SCFD2: variants seen among roughly 807,000 people sequenced by gnomAD.
SCFD2 encodes the protein sec1 family domain containing 2, also known as sec1 family domain-containing protein 2.
SCFD2 carries 54 observed loss-of-function variants against 58.9 expected under a neutral mutation model. The ratio of observed to expected loss-of-function variants is 0.92; its 90% confidence interval spans 0.74 to 1.15. The LOEUF is 1.15. Among genes scored for constraint, SCFD2 ranks in the 50% most tolerant of loss-of-function variants. The pLI is 0.00. For synonymous variants in SCFD2, 321 were observed against 335.9 expected (o/e 0.96, Z 0.49); for missense variants, 805 against 836.6 (o/e 0.96, Z 0.47).
chr4:53,215,057 C>T (rs1386089607), intron 4 of SCFD2, among the ~76,000 whole-genome samples: 1 of 152,164 alleles, frequency 6.6e-6, no homozygotes, highest in African/African-American at 2.4e-5. Flanking sequence ...TTACTGTAGC[C>T]TTGTAGTATA....
intron 5 of SCFD2, among the ~76,000 whole-genome samples, chr4:53,067,376 G>T (rs1173311173): frequency 3.3e-5 from 5 of 152,010 alleles, no homozygotes; most frequent in Non-Finnish European, 5.9e-5. Context: ...CTGGGGTCAA[G>T]ATCACACCAA....
At position 53,268,642 on chromosome 4, in the gene SCFD2, G is replaced by T. The variant is rs1276264547; in HGVS notation, c.1311+5184C>A. Among the ~76,000 whole-genome samples the T allele has an allele frequency of 1.5e-4, 23 of 152,220 alleles. No homozygotes were observed. The East Asian group carries it at 4.5e-3, about 29-fold the overall frequency. The stretch of plus-strand genomic sequence containing the variant: ...CCACAGTGTGGGCTTGGTGTGGGGT[G>T]CTGGAGCCCGAGAGGCATGAGGAGG... On this transcript the variant is annotated intron_variant, in intron 4 of 8. Coordinates refer to ENST00000401642, the MANE Select transcript of SCFD2 (RefSeq NM_152540.4).
In SCFD2 at chr4:53,165,929, C is replaced by T. The variant is rs992218594; in HGVS notation, c.1312-20347G>A. On this transcript the variant is annotated intron_variant, in intron 4 of 8. Coordinates refer to ENST00000401642, the MANE Select transcript of SCFD2 (RefSeq NM_152540.4). ...TTTTAAATTGTTGCAGTAAAATATA[C>T]ATAACATAGAATTTGCTATCTTTAT... 2.6e-5 allele frequency among the ~76,000 whole-genome samples: 4 copies of T among 152,178 alleles called. No homozygotes were observed. In the South Asian group the frequency reaches 8.3e-4, roughly 32 times the overall value.
chr4:52,937,612 T>C (rs573437701), intron 5 of SCFD2, among the ~76,000 whole-genome samples: 1 of 152,254 alleles, frequency 6.6e-6, no homozygotes, highest in African/African-American at 2.4e-5. Context: ...TGAAACACAA[T>C]AATCATCCAA....
rs1577948756 is a variant in SCFD2 at position 53,301,550 on chromosome 4, G to T, written c.1135+12086C>A. 4.6e-5 allele frequency among the ~76,000 whole-genome samples: 7 copies of T among 152,238 alleles called. No individual in the cohort carries two copies. In the South Asian group the frequency reaches 1.5e-3, roughly 32 times the overall value. On this transcript the variant is annotated intron_variant, in intron 3 of 8. Coordinates refer to ENST00000401642, the MANE Select transcript of SCFD2 (RefSeq NM_152540.4). The stretch of plus-strand genomic sequence containing the variant: ...AGGAGGAACTGGTACCATTCCTTCT[G>T]AAACTATTCCAATCAATAGAAAAAG...
intron 5 of SCFD2, among the ~76,000 whole-genome samples, chr4:53,097,782 C>T (rs1413680154): frequency 6.6e-6 from 1 of 152,162 alleles, no homozygotes; most frequent in African/African-American, 2.4e-5. Context: ...GAGGGCATCC[C>T]TGTCTTGTGC....
intron 5 of SCFD2, among the ~76,000 whole-genome samples, chr4:52,959,252 T>C (rs945132702): frequency 6.6e-6 from 1 of 152,154 alleles, no homozygotes; most frequent in South Asian, 2.1e-4. Context: ...ACTGCAAGTA[T>C]TGGCTGCAGT....
At chr4:53,115,422 C>T (rs1392620917) in intron 5 of SCFD2, among the ~76,000 whole-genome samples, 1 of 152,090 alleles carries the variant, frequency 6.6e-6, no homozygotes, top group Admixed American at 6.6e-5. Context: ...TAGAAGCTTC[C>T]ACACACATGG....
chr4:53,094,029 C>A (rs11934112), intron 5 of SCFD2, among the ~76,000 whole-genome samples: 2 of 151,808 alleles, frequency 1.3e-5, no homozygotes, highest in Admixed American at 6.6e-5. Flanking sequence ...GAAAGAAACA[C>A]GAGACTTAAA....
intron 5 of SCFD2, among the ~76,000 whole-genome samples, chr4:53,088,554 T>C (rs2148864416): frequency 6.6e-6 from 1 of 152,340 alleles, no homozygotes; most frequent in South Asian, 2.1e-4. Context: ...TTCTTTGCTA[T>C]TTCTCCCTTT....
intron 5 of SCFD2, among the ~76,000 whole-genome samples, chr4:53,007,305 G>GGAGAGGGAGAGAGA (rs1553913999): frequency 4.5e-5 from 3 of 66,072 alleles, no homozygotes; most frequent in East Asian, 4.0e-4. Context: ...AGAGGGAGAG[G>GGAGAGGGAGAGAGA]GAGAGAGAGA....
chr4:53,190,499 T>TA (rs11448011), intron 4 of SCFD2, among the ~76,000 whole-genome samples: 13,686 of 152,222 alleles, frequency 0.09, 1,039 homozygotes, highest in South Asian at 0.21. Context: ...GTCACCTTCT[T>TA]AGTGAGGCCT....
intron 5 of SCFD2, among the ~76,000 whole-genome samples, chr4:53,067,513 A>G (rs569244878): frequency 2.0e-5 from 3 of 152,126 alleles, no homozygotes; most frequent in African/African-American, 7.2e-5. Flanking sequence ...CAAGGGTGGG[A>G]CTAGGTGGAG....
At chr4:53,273,716 A>G (rs1731244451) in intron 4 of SCFD2, 110 bp downstream of exon 4, 4 of 949,818 alleles carry the variant, frequency 4.2e-6, no homozygotes, top group Admixed American at 3.1e-5. Context: ...GAAGCAGGGC[A>G]CATGTCAACA....
chr4:53,338,269 C>T (rs1042388466), intron 2 of SCFD2, among the ~76,000 whole-genome samples: 3 of 152,124 alleles, frequency 2.0e-5, no homozygotes, highest in Non-Finnish European at 4.4e-5. Context: ...TCACTGGCAT[C>T]CCAGAAGAAG....
At chr4:53,148,365 TA>T (rs1031644716) in intron 4 of SCFD2, among the ~76,000 whole-genome samples, 2 of 152,172 alleles carry the variant, frequency 1.3e-5, no homozygotes, top group Non-Finnish European at 2.9e-5. Context: ...TGCCAATTTC[TA>T]AACTTACATT....
intron 5 of SCFD2, among the ~76,000 whole-genome samples, chr4:53,005,565 G>A (rs995584725): frequency 6.6e-6 from 1 of 152,126 alleles, no homozygotes; most frequent in African/African-American, 2.4e-5. Context: ...GATAAGTAAG[G>A]CTGATTATTC....
chr4:53,034,155 C>G (rs1334984797), intron 5 of SCFD2, among the ~76,000 whole-genome samples: 1 of 152,156 alleles, frequency 6.6e-6, no homozygotes. Flanking sequence ...AAGACTGATT[C>G]AACATATGCA....
At chr4:53,331,148 G>A (rs1577974931) in intron 2 of SCFD2, among the ~76,000 whole-genome samples, 2 of 151,698 alleles carry the variant, frequency 1.3e-5, no homozygotes, top group South Asian at 4.2e-4. Flanking sequence ...TTAATAATGG[G>A]AGACTGTAAC....
Sources: gnomAD v4.1 joint callset for allele counts (sites outside exome capture counted in the v4.1 genomes callset) on GRCh38, gnomAD v4.1.1 for gene constraint, MANE v1.5 for transcripts, NCBI Gene and HGNC (gene_info 2026-07-23, HGNC 2026-07-21) for gene names.